Variants in MYH7 observed in about 807,000 individuals in gnomAD.
MYH7 encodes myosin-7.
MYH7 carries 129 observed loss-of-function variants against 225.4 expected under a neutral mutation model. That is an observed-to-expected ratio of 0.57 (90% CI 0.50 to 0.66). The LOEUF (loss-of-function observed/expected upper bound fraction) is 0.66, where lower values mean the gene tolerates loss of function less well. Among genes scored for constraint, MYH7 ranks in the 30% least tolerant of loss-of-function variants. The pLI is 0.00. For synonymous variants in MYH7, 971 were observed against 1,007.6 expected, an observed-to-expected ratio of 0.96 and a Z score of 0.69; for missense variants, 1,649 against 2,517.0, an observed-to-expected ratio of 0.66 and a Z score of 7.38.
chr14:23,432,922 G>A lies in MYH7; in HGVS notation c.346-127C>T, dbSNP rs144872911. 48 of 1,488,730 alleles carry A rather than the reference G, an allele frequency of 3.2e-5. No homozygotes were observed. The East Asian group carries it at 1.1e-3, about 35-fold the overall frequency. 92.2% of individuals were successfully genotyped at this position (1,488,730 alleles called of 1,614,324 possible). ...AAACCTCTGCATGCACTCAATCTGA[G>A]TAATGCCAGTCCCCAGAGTGTTGGA... On this transcript the variant is annotated intron_variant, in intron 4 of 39. Coordinates refer to ENST00000355349, the MANE Select transcript of MYH7 (RefSeq NM_000257.4).
rs1892601466 is a variant in MYH7 at position 23,424,166 on chromosome 14, G to C, written c.2680-17C>G. 1.2e-6 allele frequency: 2 copies of C among 1,614,044 alleles called. No individual in the cohort carries two copies. Among genetic ancestry groups the C allele is most frequent in the Non-Finnish European group, 1.7e-6 (2 of 1,180,026 alleles). On this transcript the variant is annotated splice_polypyrimidine_tract_variant and intron_variant, in intron 22 of 39. Transcript: ENST00000355349. ...GTCTTGTTCCTGAAGGTGAGGAACA[G>C]AGGGGAGGCTGTTCAGGGGGTAAGG...
At chr14:23,426,990 C>T (rs1247873137) in intron 17 of MYH7, 126 bp from the exon 18 acceptor site, 7 of 961,784 alleles carry the variant, frequency 7.3e-6, no homozygotes, top group Non-Finnish European at 1.1e-5. Flanking sequence ...GATGAAGGGG[C>T]CCTGGGGGCA....
chr14:23,417,527 G>T lies in MYH7; in HGVS notation c.4329C>A (p.Asp1443Glu). 6.2e-7 allele frequency: 1 copy of T among 1,612,310 alleles called. No individual in the cohort carries two copies. The highest frequency in any genetic ancestry group is 8.5e-7 in the Non-Finnish European group (1 of 1,180,038). The change falls in exon 31 of 40, where the codon GAC (aspartate) becomes GAA (glutamate). Residue 1443 changes from aspartate to glutamate, a missense_variant. Asp to Glu is a conservative substitution (Grantham distance 45, BLOSUM62 2). Transcript: ENST00000355349. Reference protein sequence around the residue: ...ERSNAAAAALDKKQRNFDKIL... With the variant: ...ERSNAAAAALEKKQRNFDKIL... Reference sequence around the variant, plus strand: ...CCTTGTCGAAGTTCCTCTGCTTCTTGTCCAGGGCTGCAGCAGCAGCATTGG... The same window carrying T: ...CCTTGTCGAAGTTCCTCTGCTTCTTTTCCAGGGCTGCAGCAGCAGCATTGG...
Position 23,415,770 on chromosome 14 carries a change from G to C in MYH7, c.5016C>G (p.Ala1672=). The C allele has an allele frequency of 6.2e-7, 1 of 1,614,206 alleles. No homozygotes were observed. Among genetic ancestry groups the C allele is most frequent in the Non-Finnish European group, 8.5e-7 (1 of 1,180,050 alleles). ...RANDDLKENI[A]IVERRNNLLQ... is the part of the protein sequence containing the mutation. ...GCAGGTTGTTGCGCCGCTCCACGAT[G>C]GCGATGTTCTCCTTCAGGTCGTCGT... The change falls in exon 35 of 40, where the codon GCC becomes GCG. Residue 1672 remains alanine (A), a synonymous_variant. Coordinates refer to ENST00000355349, the MANE Select transcript of MYH7 (RefSeq NM_000257.4). The surrounding 1 kb of genome is among the most constrained non-coding windows in gnomAD (Gnocchi z 6.3).
chr14:23,426,703 G>T, intron 18 of MYH7, 74 bp downstream of exon 18: 2 of 1,350,074 alleles, frequency 1.5e-6, no homozygotes, highest in Non-Finnish European at 1.1e-6. Context: ...GGTAGGTAGG[G>T]AGATGTCCTA....
chr14:23,432,999 A>G, intron 4 of MYH7, 85 bp downstream of exon 4: 1 of 1,596,146 alleles, frequency 6.3e-7, no homozygotes. Flanking sequence ...GCCTAGACAC[A>G]AACAGAAGAC....
chr14:23,419,784 A>G lies in MYH7; in HGVS notation c.3726+61T>C, dbSNP rs1443671809. 4 of 1,613,852 alleles carry G rather than the reference A, an allele frequency of 2.5e-6. No individual in the cohort carries two copies. The East Asian group carries it at 6.7e-5, about 27-fold the overall frequency. On this transcript the variant is annotated intron_variant, in intron 27 of 39. Coordinates refer to ENST00000355349, the MANE Select transcript of MYH7 (RefSeq NM_000257.4). ...TGAACCATGAAGGAAGAGACACTAC[A>G]TGGACAGAAAGGGGAGGTGGGAGGA...
intron 39 of MYH7, among the ~76,000 whole-genome samples, chr14:23,413,519 A>T (rs1892053625): frequency 6.6e-6 from 1 of 150,586 alleles, no homozygotes; most frequent in Non-Finnish European, 1.5e-5. Flanking sequence ...GTGAGCTGAG[A>T]TTGTGCCACT....
At chr14:23,429,952 A>C in intron 11 of MYH7, 39 bp from the exon 12 acceptor site, 3 of 1,612,258 alleles carry the variant, frequency 1.9e-6, no homozygotes, top group Non-Finnish European at 2.5e-6. Context: ...CCAGAAAAAG[A>C]AGTATGATGG....
In MYH7 at chr14:23,425,032, G is replaced by T. The variant is rs767171610; in HGVS notation, c.2424-8C>A. The T allele has an allele frequency of 1.9e-6, 3 of 1,614,148 alleles. No homozygotes were observed. The highest frequency in any genetic ancestry group is 2.5e-6 in the Non-Finnish European group (3 of 1,180,014). On this transcript the variant is annotated splice_region_variant and splice_polypyrimidine_tract_variant and intron_variant, in intron 21 of 39. Transcript: ENST00000355349. This position sits in a 1 kb window ranked among gnomAD's most constrained non-coding sequence, Gnocchi z 4.6. ...ATTACCAGCAGGGAGTCTCTGCAGG[G>T]GCCCATTGAAAGGAGTGCTGAGCCT...
intron 31 of MYH7, 79 bp from the exon 32 acceptor site, chr14:23,417,397 C>T: frequency 6.2e-7 from 1 of 1,611,638 alleles, no homozygotes; most frequent in South Asian, 1.1e-5. Flanking sequence ...CCTGCCTGGG[C>T]TCAGCCCTCC....
In MYH7 at chr14:23,433,016, G is replaced by A. The variant is rs1893010768; in HGVS notation, c.345+68C>T. ...CTAGACACAAACAGAAGACACTCTTGGCTCCTGGGGTGGACATGGATGGAG... is the reference window on the plus strand; with the variant it reads ...CTAGACACAAACAGAAGACACTCTTAGCTCCTGGGGTGGACATGGATGGAG... On this transcript the variant is annotated intron_variant, in intron 4 of 39. Transcript: ENST00000355349. This position sits in a 1 kb window ranked among gnomAD's most constrained non-coding sequence, Gnocchi z 4.1. 1 of 1,607,472 alleles carries A rather than the reference G, an allele frequency of 6.2e-7. No individual in the cohort carries two copies. Among genetic ancestry groups the A allele is most frequent in the Non-Finnish European group, 8.5e-7 (1 of 1,174,838 alleles).
chr14:23,423,519 T>C (rs760478052), intron 24 of MYH7, 28 bp downstream of exon 24: 3 of 1,609,570 alleles, frequency 1.9e-6, no homozygotes, highest in Non-Finnish European at 2.5e-6. Flanking sequence ...ATGGCATATC[T>C]AGGCCCCACA....
chr14:23,414,919 ACT>A (rs970200488), intron 37 of MYH7, 74 bp downstream of exon 37: 26 of 1,587,430 alleles, frequency 1.6e-5, no homozygotes, highest in Non-Finnish European at 2.2e-5. Context: ...CTAAGAGCAA[ACT>A]CTTCATTCTC....
At position 23,432,804 on chromosome 14, in the gene MYH7, AGAAAAG is replaced by A. The variant is rs1893003165; in HGVS notation, c.346-15_346-10del. The A allele has an allele frequency of 4.3e-6, 7 of 1,614,160 alleles. No individual in the cohort carries two copies. The highest frequency in any genetic ancestry group is 5.9e-6 in the Non-Finnish European group (7 of 1,180,012). ...AAGAGGCCCGAGTAGGTCTGGGGAT[AGAAAAG>A]GAGCAGTGACTTGCCAGTTGCGAAG... On this transcript the variant is annotated splice_polypyrimidine_tract_variant and intron_variant, in intron 4 of 39. Coordinates refer to ENST00000355349, the MANE Select transcript of MYH7 (RefSeq NM_000257.4).
At position 23,433,759 on chromosome 14, in the gene MYH7, G is replaced by A. The variant is rs545944707; in HGVS notation, c.-8-19C>T. ...GCTGTGCCTGGAGTGAGCAGAAGCT[G>A]GCTGCCCTCCCATCTGCCCATTCTT... On this transcript the variant is annotated intron_variant, in intron 2 of 39. Coordinates refer to ENST00000355349, the MANE Select transcript of MYH7 (RefSeq NM_000257.4). This position sits in a 1 kb window ranked among gnomAD's most constrained non-coding sequence, Gnocchi z 4.1. 3.7e-6 allele frequency: 6 copies of A among 1,612,096 alleles called. No individual in the cohort carries two copies. The African/African-American group carries it at 6.7e-5, about 18-fold the overall frequency.
intron 33 of MYH7, 143 bp downstream of exon 33, chr14:23,416,725 A>G: frequency 7.6e-7 from 1 of 1,317,108 alleles, no homozygotes; most frequent in Non-Finnish European, 1.1e-6. Context: ...ACAAATCTTC[A>G]CTGAATGCCT....
chr14:23,428,257 G>A lies in MYH7; in HGVS notation c.1578+243C>T, dbSNP rs1951154. On this transcript the variant is annotated intron_variant, in intron 15 of 39. Transcript: ENST00000355349. Reference sequence around the variant, plus strand: ...CCAGGCCCAATAAACATGCAGGTGTGGGAGGTCATCATGCAGGTGCCCATC... The same window carrying A: ...CCAGGCCCAATAAACATGCAGGTGTAGGAGGTCATCATGCAGGTGCCCATC... Among the ~76,000 whole-genome samples, 37,705 of 152,064 alleles carry A rather than the reference G, an allele frequency of 0.25. 5,361 individuals carry two copies. The highest frequency in any genetic ancestry group is 0.38 in the East Asian group (1,985 of 5,164).
intron 32 of MYH7, 55 bp downstream of exon 32, chr14:23,417,098 A>G: frequency 6.2e-7 from 1 of 1,614,092 alleles, no homozygotes; most frequent in Non-Finnish European, 8.5e-7. Context: ...GGGTGGCACC[A>G]TATGGGAACA....
Sources: gnomAD v4.1 joint callset for allele counts (sites outside exome capture counted in the v4.1 genomes callset) on GRCh38, gnomAD v4.1.1 for gene constraint, Gnocchi (gnomAD v3.1) non-coding constraint, MANE v1.5 for transcripts, NCBI Gene and HGNC (gene_info 2026-07-23, HGNC 2026-07-21) for gene names.